EXOC2: variants seen among roughly 807,000 people sequenced by gnomAD.
EXOC2 encodes exocyst complex component 2, also known as SEC5-like 1.
A neutral mutation model predicts 131.8 loss-of-function variants in EXOC2; 70 were observed. The observed-to-expected ratio is 0.53, with a 90% CI of 0.44 to 0.65. The LOEUF (loss-of-function observed/expected upper bound fraction) is 0.65, where lower values mean the gene tolerates loss of function less well. Among genes scored for constraint, EXOC2 ranks in the 30% least tolerant of loss-of-function variants. The probability of loss-of-function intolerance (pLI) is 0.00; values close to 1 mark genes in which losing one functional copy is unlikely to be tolerated. For synonymous variants in EXOC2, 411 were observed against 398.4 expected, an observed-to-expected ratio of 1.03 and a Z score of -0.38; for missense variants, 923 against 1,108.6, an observed-to-expected ratio of 0.83 and a Z score of 2.38.
At position 485,851 on chromosome 6, in the gene EXOC2, T is replaced by G. The variant is rs1763014321; in HGVS notation, c.*820A>C. On this transcript the variant is annotated 3_prime_UTR_variant, in exon 28 of 28. Transcript: ENST00000230449. ...TGGCCGTCCACGCGGAGCCTGGCCT[T>G]TCCGTTAGGGGACCCTGAAGTCTGC... 2.0e-5 allele frequency: 3 copies of G among 152,308 alleles called. No individual in the cohort carries two copies. Among genetic ancestry groups the G allele is most frequent in the African/African-American group, 7.2e-5 (3 of 41,466 alleles). 9.4% of individuals were successfully genotyped at this position (152,308 alleles called of 1,614,324 possible). A position where few individuals can be genotyped will look rare whatever the true frequency, so the allele number is the denominator to read the frequency against.
At position 638,712 on chromosome 6, in the gene EXOC2, C is replaced by A. The variant is rs543439559; in HGVS notation, c.-43-851G>T. Reference sequence around the variant, plus strand: ...CTGTCGGAGGCCGAGGCGGGCGGATCACGAGTCAGGAGTTTGAGACCAGCC... The same window carrying A: ...CTGTCGGAGGCCGAGGCGGGCGGATAACGAGTCAGGAGTTTGAGACCAGCC... On this transcript the variant is annotated intron_variant, in intron 1 of 27. Transcript: ENST00000230449. Among the ~76,000 whole-genome samples the A allele has an allele frequency of 3.6e-4, 55 of 152,242 alleles. 1 individual carries two copies. The highest frequency in any genetic ancestry group is 1.3e-3 in the African/African-American group (52 of 41,552).
At chr6:587,662 C>T (rs985368658) in intron 11 of EXOC2, among the ~76,000 whole-genome samples, 2 of 152,226 alleles carry the variant, frequency 1.3e-5, no homozygotes, top group African/African-American at 2.4e-5. Context: ...TCACTAATGG[C>T]GAATCCTCCT....
intron 10 of EXOC2, among the ~76,000 whole-genome samples, chr6:596,036 A>G (rs1759798449): frequency 6.6e-6 from 1 of 152,202 alleles, no homozygotes; most frequent in Admixed American, 6.5e-5. Flanking sequence ...GTGCTGGGCA[A>G]GCTTCCGTGT....
intron 1 of EXOC2, among the ~76,000 whole-genome samples, chr6:641,998 A>G (rs1762375684): frequency 6.6e-6 from 1 of 152,078 alleles, no homozygotes; most frequent in East Asian, 1.9e-4. Flanking sequence ...TCCCGTTCAA[A>G]GCCTGTCACA....
intron 4 of EXOC2, among the ~76,000 whole-genome samples, chr6:623,637 C>T (rs959894326): frequency 6.6e-6 from 1 of 152,216 alleles, no homozygotes; most frequent in Non-Finnish European, 1.5e-5. Context: ...ACCAATCACC[C>T]TGGACCCTCT....
intron 5 of EXOC2, among the ~76,000 whole-genome samples, chr6:618,984 T>C (rs1761149080): frequency 6.6e-6 from 1 of 152,214 alleles, no homozygotes; most frequent in Admixed American, 6.5e-5. Context: ...GTCTACTTTT[T>C]TGCTAATTTT....
At chr6:654,372 G>C (rs1195163847) in intron 1 of EXOC2, among the ~76,000 whole-genome samples, 1 of 152,172 alleles carries the variant, frequency 6.6e-6, no homozygotes, top group Admixed American at 6.5e-5. Flanking sequence ...TGATTCATGG[G>C]AAGAGGTAAA....
intron 22 of EXOC2, among the ~76,000 whole-genome samples, chr6:533,842 C>T (rs1235961683): frequency 6.6e-6 from 1 of 152,148 alleles, no homozygotes; most frequent in East Asian, 1.9e-4. Context: ...AGGCTTCTCT[C>T]CAATGCCAGG....
At chr6:668,266 T>C (rs1256588215) in intron 1 of EXOC2, among the ~76,000 whole-genome samples, 1 of 152,232 alleles carries the variant, frequency 6.6e-6, no homozygotes, top group Non-Finnish European at 1.5e-5. Flanking sequence ...TCAGCCATGC[T>C]GTGCCTCCAT....
chr6:673,976 T>G (rs1015362191), intron 1 of EXOC2, among the ~76,000 whole-genome samples: 2 of 152,148 alleles, frequency 1.3e-5, no homozygotes, highest in Non-Finnish European at 2.9e-5. Context: ...TAAAGCGAAC[T>G]GCAATTAAGC....
At chr6:613,936 G>GT (rs1760846058) in intron 6 of EXOC2, among the ~76,000 whole-genome samples, 1 of 151,824 alleles carries the variant, frequency 6.6e-6, no homozygotes, top group African/African-American at 2.4e-5. Context: ...CCTGCCACAT[G>GT]TAGCAACACA....
chr6:564,429 C>A (rs1046275447), intron 15 of EXOC2, 116 bp downstream of exon 15: 9 of 1,406,934 alleles, frequency 6.4e-6, no homozygotes, highest in Non-Finnish European at 7.8e-6. Context: ...ACAGTGGAGG[C>A]AAAAGGACAA....
chr6:611,714 C>G (rs1386872459), intron 6 of EXOC2, among the ~76,000 whole-genome samples: 3 of 152,158 alleles, frequency 2.0e-5, no homozygotes, highest in African/African-American at 7.2e-5. Context: ...TTTATTTTCT[C>G]TGAAAACATC....
In EXOC2 at chr6:640,432, GAACA is replaced by G. The variant is rs1762302896; in HGVS notation, c.-43-2575_-43-2572del. Among the ~76,000 whole-genome samples, 4 of 152,278 alleles carry G rather than the reference GAACA, an allele frequency of 2.6e-5. No homozygotes were observed. In the South Asian group the frequency reaches 8.3e-4, roughly 32 times the overall value. ...GAAAGACAAACAAGAAAAAAACACAGAACAAACATATTGCAGGTGTTGTATGGCC... is the reference window on the plus strand; with the variant it reads ...GAAAGACAAACAAGAAAAAAACACAGAACATATTGCAGGTGTTGTATGGCC... On this transcript the variant is annotated intron_variant, in intron 1 of 27. Transcript: ENST00000230449.
At chr6:566,980 A>C (rs1336615008) in intron 13 of EXOC2, among the ~76,000 whole-genome samples, 1 of 152,124 alleles carries the variant, frequency 6.6e-6, no homozygotes, top group Non-Finnish European at 1.5e-5. Context: ...CCTCACCTGA[A>C]CACCACGTCC....
chr6:678,462 C>T lies in EXOC2; in HGVS notation c.-44+14557G>A, dbSNP rs937813196. ...ATCAAAAACCAACTGTAAGTGAATT[C>T]GTGGGCCAGGTGCGTCATTAGCTGC... On this transcript the variant is annotated intron_variant, in intron 1 of 27. Coordinates refer to ENST00000230449, the MANE Select transcript of EXOC2 (RefSeq NM_018303.6). 1.1e-4 allele frequency among the ~76,000 whole-genome samples: 16 copies of T among 152,214 alleles called. No individual in the cohort carries two copies. The South Asian group carries it at 1.2e-3, about 12-fold the overall frequency.
intron 3 of EXOC2, among the ~76,000 whole-genome samples, chr6:631,057 CACAG>C (rs1011902494): frequency 6.6e-6 from 1 of 152,202 alleles, no homozygotes. Flanking sequence ...TGCCAGGGAG[CACAG>C]ACAAAGCGTG....
In EXOC2 at chr6:677,067, CCCCA is replaced by C. The variant is rs1562004626; in HGVS notation, c.-44+15948_-44+15951del. Among the ~76,000 whole-genome samples the C allele has an allele frequency of 6.6e-4, 38 of 57,672 alleles. 7 individuals are homozygous for C. The highest frequency in any genetic ancestry group is 0.014 in the East Asian group (1 of 70). The allele number at this position is 57,672 out of a possible 152,430, so 37.8% of individuals were successfully genotyped here. On this transcript the variant is annotated intron_variant, in intron 1 of 27. Coordinates refer to ENST00000230449, the MANE Select transcript of EXOC2 (RefSeq NM_018303.6). ...AGCTTTCTCTGGAGACTCTGCGGTT[CCCCA>C]TACTCTTCAACATTACGGAAAGGAC...
chr6:662,411 T>C (rs553720619), intron 1 of EXOC2, among the ~76,000 whole-genome samples: 3 of 152,286 alleles, frequency 2.0e-5, no homozygotes, highest in Non-Finnish European at 2.9e-5. Flanking sequence ...GGCCATAAAA[T>C]GAGCCTCAAT....
Sources: gnomAD v4.1 joint callset for allele counts (sites outside exome capture counted in the v4.1 genomes callset) on GRCh38, gnomAD v4.1.1 for gene constraint, MANE v1.5 for transcripts, NCBI Gene and HGNC (gene_info 2026-07-23, HGNC 2026-07-21) for gene names.